The following CREB5 variants were observed in gnomAD, a reference collection of about 807,000 sequenced individuals.
CREB5 encodes cyclic AMP-responsive element-binding protein 5.
A neutral mutation model predicts 57.1 loss-of-function variants in CREB5; 19 were observed. The observed-to-expected ratio is 0.33, with a 90% CI of 0.23 to 0.49. CREB5 has a LOEUF of 0.49. CREB5 is among the 20% of genes least tolerant of loss of function. The probability of loss-of-function intolerance (pLI) is 0.99; values close to 1 mark genes in which losing one functional copy is unlikely to be tolerated. For synonymous variants in CREB5, 238 were observed against 238.3 expected, an observed-to-expected ratio of 1.00 and a Z score of 0.01; for missense variants, 579 against 671.6, an observed-to-expected ratio of 0.86 and a Z score of 1.52.
At chr7:28,563,860 G>A (rs1795376153) in intron 4 of CREB5, among the ~76,000 whole-genome samples, 1 of 152,140 alleles carries the variant, frequency 6.6e-6, no homozygotes, top group African/African-American at 2.4e-5. Flanking sequence ...TGCTAGGAGG[G>A]AGAGGTGGCC....
intron 5 of CREB5, among the ~76,000 whole-genome samples, chr7:28,581,018 A>G (rs1252109041): frequency 6.6e-6 from 1 of 152,142 alleles, no homozygotes; most frequent in African/African-American, 2.4e-5. Flanking sequence ...AATTTTTTTC[A>G]TGACACTGTG....
chr7:28,506,050 G>A (rs1316569377), intron 3 of CREB5, among the ~76,000 whole-genome samples: 1 of 152,152 alleles, frequency 6.6e-6, no homozygotes, highest in Non-Finnish European at 1.5e-5. Context: ...TTGGAGATTA[G>A]GTCAAGAATG....
At chr7:28,438,293 A>T (rs547446694) in intron 1 of CREB5, among the ~76,000 whole-genome samples, 204 of 152,184 alleles carry the variant, frequency 1.3e-3, no homozygotes, top group African/African-American at 4.6e-3. Context: ...CACACTGAAG[A>T]ATATGTTGCA....
chr7:28,733,233 T>C (rs1803767306), intron 7 of CREB5, among the ~76,000 whole-genome samples: 1 of 152,174 alleles, frequency 6.6e-6, no homozygotes, highest in African/African-American at 2.4e-5. Context: ...AGGAGCACAC[T>C]TGGGTAGAAT....
intron 4 of CREB5, among the ~76,000 whole-genome samples, chr7:28,539,669 G>T (rs1460961367): frequency 6.6e-6 from 1 of 152,208 alleles, no homozygotes; most frequent in Non-Finnish European, 1.5e-5. Flanking sequence ...CCATGGGAAG[G>T]TCTGCTCCCT....
chr7:28,746,648 G>A (rs1554294903), intron 7 of CREB5, among the ~76,000 whole-genome samples: 2 of 152,170 alleles, frequency 1.3e-5, no homozygotes, highest in Non-Finnish European at 2.9e-5. Context: ...TGTTAGAGGC[G>A]ATGGTTTCTT....
intron 1 of CREB5, among the ~76,000 whole-genome samples, chr7:28,303,902 G>A (rs1785142599): frequency 6.6e-6 from 1 of 152,088 alleles, no homozygotes; most frequent in African/African-American, 2.4e-5. Flanking sequence ...ATTTACATTG[G>A]CAGTAAAAGT....
intron 4 of CREB5, among the ~76,000 whole-genome samples, chr7:28,518,125 T>C (rs1793054582): frequency 6.6e-6 from 1 of 152,158 alleles, no homozygotes; most frequent in Admixed American, 6.5e-5. Flanking sequence ...TTGGATTTAG[T>C]GTGGCTGCAG....
chr7:28,519,473 A>G (rs1793113963), intron 4 of CREB5, among the ~76,000 whole-genome samples: 1 of 152,214 alleles, frequency 6.6e-6, no homozygotes, highest in Non-Finnish European at 1.5e-5. Flanking sequence ...GATTTTGAAG[A>G]TGGCGTCACT....
chr7:28,341,222 T>C (rs536272309), intron 1 of CREB5, among the ~76,000 whole-genome samples: 7 of 152,300 alleles, frequency 4.6e-5, no homozygotes, highest in African/African-American at 1.7e-4. Flanking sequence ...CTCTAGTTTC[T>C]ACTTTAAAAT....
At chr7:28,715,830 A>T (rs6950574) in intron 5 of CREB5, among the ~76,000 whole-genome samples, 1 of 151,920 alleles carries the variant, frequency 6.6e-6, no homozygotes, top group Non-Finnish European at 1.5e-5. Flanking sequence ...TCCCTTCTAT[A>T]CACTACTAAT....
chr7:28,770,451 G>A lies in CREB5; in HGVS notation c.703-33748G>A, dbSNP rs994941808. Among the ~76,000 whole-genome samples the A allele has an allele frequency of 3.3e-5, 5 of 152,290 alleles. No individual in the cohort carries two copies. In the South Asian group the frequency reaches 1.0e-3, roughly 32 times the overall value. On this transcript the variant is annotated intron_variant, in intron 7 of 10. Coordinates refer to ENST00000357727, the MANE Select transcript of CREB5 (RefSeq NM_182898.4). Reference sequence around the variant, plus strand: ...CATCTTTGTTGGCCAACCCTCCTTAGTAAAGTATGAGAAAGAGAAAGAATG... The same window carrying A: ...CATCTTTGTTGGCCAACCCTCCTTAATAAAGTATGAGAAAGAGAAAGAATG...
intron 1 of CREB5, among the ~76,000 whole-genome samples, chr7:28,315,124 G>A (rs1056126719): frequency 6.6e-6 from 1 of 152,148 alleles, no homozygotes; most frequent in African/African-American, 2.4e-5. Flanking sequence ...ACAGACGCTG[G>A]GTGAATAAAT....
At chr7:28,352,549 T>A (rs7779602) in intron 1 of CREB5, among the ~76,000 whole-genome samples, 36,869 of 152,126 alleles carry the variant, frequency 0.24, 4,599 homozygotes, top group African/African-American at 0.25. Context: ...CCTGATTCTT[T>A]CTTTTTGCTC....
intron 7 of CREB5, among the ~76,000 whole-genome samples, chr7:28,732,750 A>G (rs1416974837): frequency 1.4e-5 from 2 of 147,836 alleles, no homozygotes; most frequent in Admixed American, 1.4e-4. Context: ...GGAAGCACAG[A>G]AGATCTATCT....
chr7:28,644,405 T>C (rs2128702869), intron 5 of CREB5, among the ~76,000 whole-genome samples: 1 of 152,274 alleles, frequency 6.6e-6, no homozygotes, highest in East Asian at 1.9e-4. Flanking sequence ...TTTCAGATTA[T>C]TTTGATGTAA....
chr7:28,682,334 A>ACAC (rs1279232299), intron 5 of CREB5, among the ~76,000 whole-genome samples: 2 of 152,190 alleles, frequency 1.3e-5, no homozygotes. Flanking sequence ...CACTGTGAAA[A>ACAC]CACGGGACAC....
chr7:28,437,895 A>T (rs1789023070), intron 1 of CREB5, among the ~76,000 whole-genome samples: 1 of 152,164 alleles, frequency 6.6e-6, no homozygotes, highest in South Asian at 2.1e-4. Context: ...AACAGAAAAG[A>T]CGATGGAGAC....
At chr7:28,620,157 C>G (rs542264872) in intron 5 of CREB5, among the ~76,000 whole-genome samples, 1 of 152,140 alleles carries the variant, frequency 6.6e-6, no homozygotes, top group African/African-American at 2.4e-5. Flanking sequence ...ACAATTTTTG[C>G]AGTCGTCTCA....
Sources: allele counts gnomAD v4.1 joint callset (sites outside exome capture counted in the v4.1 genomes callset), GRCh38; gene constraint gnomAD v4.1.1; transcripts MANE v1.5; gene names NCBI Gene and HGNC (gene_info 2026-07-23, HGNC 2026-07-21).